Variants in SLC5A4 observed in about 807,000 individuals in gnomAD.
The protein encoded by SLC5A4 is probable glucose sensor protein SLC5A4.
Under a neutral mutation model 70.3 loss-of-function variants are expected in SLC5A4, and 55 were observed. The ratio of observed to expected loss-of-function variants is 0.78; its 90% CI spans 0.63 to 0.98. SLC5A4 has a LOEUF of 0.98. Among genes scored for constraint, SLC5A4 ranks in the 50% least tolerant of loss-of-function variants. The pLI is 0.00. For missense variants in SLC5A4, 735 were observed against 839.2 expected (o/e 0.88, Z 1.53); for synonymous variants, 268 against 305.7 (o/e 0.88, Z 1.29).
chr22:32,298,398 C>T, the SLC5A4 span, among the ~76,000 whole-genome samples: 1 of 143,512 alleles, frequency 7.0e-6, no homozygotes, highest in African/African-American at 2.6e-5. Context: ...GATCCCTTTA[C>T]CATTATGTAA....
At chr22:32,338,701 C>G in the SLC5A4 span, among the ~76,000 whole-genome samples, 5 of 152,076 alleles carry the variant, frequency 3.3e-5, no homozygotes, top group African/African-American at 1.2e-4. Context: ...ATGGGGGCAC[C>G]CCATACTGGA....
the SLC5A4 span, among the ~76,000 whole-genome samples, chr22:32,295,071 A>G: frequency 1.0e-5 from 1 of 99,318 alleles, no homozygotes; most frequent in Non-Finnish European, 2.1e-5. Context: ...TCATTGTTGG[A>G]CATTTGGGTT....
At chr22:32,289,121 C>T in the SLC5A4 span, among the ~76,000 whole-genome samples, 1 of 151,944 alleles carries the variant, frequency 6.6e-6, no homozygotes, top group African/African-American at 2.4e-5. Context: ...TATCTAGTGT[C>T]TCTTAAAAGA....
the SLC5A4 span, among the ~76,000 whole-genome samples, chr22:32,330,712 G>C: frequency 9.4e-6 from 1 of 106,696 alleles, no homozygotes; most frequent in Non-Finnish European, 1.9e-5. Flanking sequence ...TGTGTGTATT[G>C]GGGGCTCTGG....
chr22:32,271,693 C>T, the SLC5A4 span: 6 of 569,608 alleles, frequency 1.1e-5, no homozygotes, highest in East Asian at 3.9e-5. Flanking sequence ...GGCTGCACCC[C>T]GTGGGCATCA....
chr22:32,354,488 A>G, the SLC5A4 span, among the ~76,000 whole-genome samples: 118 of 149,406 alleles, frequency 7.9e-4, no homozygotes, highest in Middle Eastern at 7.6e-3. Flanking sequence ...CAGGCAGAGT[A>G]GCACCCGATA....
intron 3 of SLC5A4, among the ~76,000 whole-genome samples, chr22:32,249,787 A>C (rs997856871): frequency 2.0e-5 from 3 of 152,250 alleles, no homozygotes; most frequent in African/African-American, 7.2e-5. Flanking sequence ...TTGGTGGCAC[A>C]TCCATCACAT....
At chr22:32,306,191 C>T in the SLC5A4 span, among the ~76,000 whole-genome samples, 2 of 152,258 alleles carry the variant, frequency 1.3e-5, no homozygotes, top group South Asian at 2.1e-4. Context: ...ATAGGCCGGG[C>T]GCGGTGGCTC....
chr22:32,287,643 TTTTTTC>T, the SLC5A4 span, among the ~76,000 whole-genome samples: 1 of 150,362 alleles, frequency 6.7e-6, no homozygotes, highest in Non-Finnish European at 1.5e-5. Context: ...TGTTTCTTTC[TTTTTTC>T]TTTTTCTTTT....
At position 32,255,262 on chromosome 22, in the gene SLC5A4, A is replaced by T; in HGVS notation, c.68T>A (p.Ile23Asn). 1 of 1,614,070 alleles carries T rather than the reference A, an allele frequency of 6.2e-7. No homozygotes were observed. The highest frequency in any genetic ancestry group is 8.5e-7 in the Non-Finnish European group (1 of 1,180,006). ...GACTGAGATGTCAGCAGCATTTCGG[A>T]TGTGGTCAGACAATGGAGGTGGCTC... ...TPEPPPLSDH[I>N]RNAADISVIV... Residue 23 changes from isoleucine (I) to asparagine (N), a missense_variant, in exon 1 of 15, where the codon ATC (isoleucine) becomes AAC (asparagine). Physicochemically the swap from Ile to Asn is moderately radical, Grantham distance 149 (BLOSUM62 -3). Coordinates refer to ENST00000266086, the MANE Select transcript of SLC5A4 (RefSeq NM_014227.3).
In SLC5A4 at chr22:32,254,035, C is replaced by T. The variant is rs1178369845; in HGVS notation, c.207+107G>A. 4.6e-6 allele frequency: 4 copies of T among 865,286 alleles called. No homozygotes were observed. In the South Asian group the frequency reaches 5.3e-5, roughly 11 times the overall value. The allele number at this position is 865,286 out of a possible 1,614,324, so 53.6% of individuals were successfully genotyped here. On this transcript the variant is annotated intron_variant, in intron 2 of 14. Coordinates refer to ENST00000266086, the MANE Select transcript of SLC5A4 (RefSeq NM_014227.3). Reference sequence around the variant, plus strand: ...ACCTCAGATGATCTGCCAGCCTTGGCCTCCCAAAGTGCTGGGATTACAGGC... The same window carrying T: ...ACCTCAGATGATCTGCCAGCCTTGGTCTCCCAAAGTGCTGGGATTACAGGC...
the SLC5A4 span, among the ~76,000 whole-genome samples, chr22:32,312,260 AC>A: frequency 6.6e-6 from 1 of 151,920 alleles, no homozygotes; most frequent in Non-Finnish European, 1.5e-5. Flanking sequence ...ACGGATGAGA[AC>A]CCCCAGCCAG....
chr22:32,306,969 T>C, the SLC5A4 span, among the ~76,000 whole-genome samples: 3 of 152,266 alleles, frequency 2.0e-5, no homozygotes, highest in South Asian at 2.1e-4. Flanking sequence ...ATGTCATCCA[T>C]AGTTTTTGAT....
chr22:32,350,244 A>C, the SLC5A4 span, among the ~76,000 whole-genome samples: 1 of 152,158 alleles, frequency 6.6e-6, no homozygotes, highest in African/African-American at 2.4e-5. Context: ...GAGAAGAAAA[A>C]CTTAATACTG....
chr22:32,337,365 T>C, the SLC5A4 span, among the ~76,000 whole-genome samples: 1 of 152,088 alleles, frequency 6.6e-6, no homozygotes, highest in Non-Finnish European at 1.5e-5. Flanking sequence ...AAACTCTGTC[T>C]CTACTAAAAA....
chr22:32,290,609 C>A, the SLC5A4 span, among the ~76,000 whole-genome samples: 1 of 151,872 alleles, frequency 6.6e-6, no homozygotes, highest in East Asian at 1.9e-4. Context: ...ACCTCAGACT[C>A]GGTAACTTAC....
chr22:32,321,304 T>C, the SLC5A4 span, among the ~76,000 whole-genome samples: 1 of 140,946 alleles, frequency 7.1e-6, no homozygotes, highest in Admixed American at 7.4e-5. Flanking sequence ...ATACAAAACT[T>C]AGCCAGGCAT....
At chr22:32,323,832 G>T in the SLC5A4 span, among the ~76,000 whole-genome samples, 1 of 152,218 alleles carries the variant, frequency 6.6e-6, no homozygotes, top group Non-Finnish European at 1.5e-5. Context: ...CTGGCCCATG[G>T]TGGCCCTTCT....
chr22:32,230,775 A>C (rs1049325196), intron 10 of SLC5A4, among the ~76,000 whole-genome samples, 193 bp downstream of exon 10: 2 of 152,232 alleles, frequency 1.3e-5, no homozygotes, highest in Non-Finnish European at 1.5e-5. Flanking sequence ...AATTCTTCTA[A>C]CAGTAATTGT....
Sources: gnomAD v4.1 joint callset for allele counts (sites outside exome capture counted in the v4.1 genomes callset) on GRCh38, gnomAD v4.1.1 for gene constraint, MANE v1.5 for transcripts, NCBI Gene and HGNC (gene_info 2026-07-23, HGNC 2026-07-21) for gene names.